The following RP1 variants were observed in gnomAD, a reference collection of about 807,000 sequenced individuals.
RP1 encodes RP1 axonemal microtubule associated.
RP1 carries 16 observed loss-of-function variants against 14.8 expected under a neutral mutation model. The observed-to-expected ratio is 1.08, with a 90% CI of 0.73 to 1.65. RP1 has a LOEUF of 1.65. Ranked by LOEUF, RP1 falls within the 40% of genes most tolerant of loss-of-function variation. The pLI, the probability that RP1 is intolerant of heterozygous loss-of-function variation, is 0.00. For synonymous variants in RP1, 876 were observed against 883.6 expected (o/e 0.99, Z 0.15); for missense variants, 2,631 against 2,535.0 (o/e 1.04, Z -0.81).
intron 24 of RP1, among the ~76,000 whole-genome samples, chr8:54,787,877 C>G (rs1810363605): frequency 6.6e-6 from 1 of 152,196 alleles, no homozygotes; most frequent in Admixed American, 6.5e-5. Flanking sequence ...TCCAACTCTG[C>G]TCTTTACTAT....
chr8:54,624,914 AG>A lies in RP1; in HGVS notation c.1033del (p.Glu345LysfsTer3). On this transcript the variant is annotated frameshift_variant, in exon 4 of 4. Transcript: ENST00000220676. LOFTEE classifies it low-confidence loss of function (END_TRUNC). The stretch of plus-strand genomic sequence containing the variant: ...AAGTTCGATTCAGAATAAAAGAGGA[AG>A]AAACCATAAAATGGACAACTACTGT... ...MKVRFRIKEE[E>X]TIKWTTTVSK... The A allele has an allele frequency of 6.2e-7, 1 of 1,614,162 alleles. No individual in the cohort carries two copies. Among genetic ancestry groups the A allele is most frequent in the Non-Finnish European group, 8.5e-7 (1 of 1,180,030 alleles).
In RP1 at chr8:54,630,220, C is replaced by T; in HGVS notation, c.6338C>T (p.Thr2113Ile). ...CTCTTAGATATTTGCCAAGTTGAGA[C>T]CTCCTTAAATATTAGCAACAGAAAT... The part of the protein sequence containing the change: ...ACLLDICQVE[T>I]SLNISNRNIL... Residue 2113 changes from threonine (T) to isoleucine (I), a missense_variant, in exon 4 of 4, where the codon ACC becomes ATC. Transcript: ENST00000220676. 6.2e-7 allele frequency: 1 copy of T among 1,613,582 alleles called. No individual in the cohort carries two copies. The highest frequency in any genetic ancestry group is 2.2e-5 in the East Asian group (1 of 44,810).
chr8:54,618,768 G>C (rs1413714965), intron 1 of RP1, among the ~76,000 whole-genome samples: 1 of 152,146 alleles, frequency 6.6e-6, no homozygotes, highest in African/African-American at 2.4e-5. Context: ...CAATTCTCCT[G>C]CCTCAGCCTC....
chr8:54,710,119 A>C (rs1360703104), intron 15 of RP1, among the ~76,000 whole-genome samples: 3 of 152,218 alleles, frequency 2.0e-5, no homozygotes, highest in African/African-American at 7.2e-5. Flanking sequence ...TGAGGGAGAC[A>C]CAAGGGGGCT....
exon 24 of RP1, chr8:54,783,560 G>T (rs1810241336): frequency 8.1e-7 from 1 of 1,231,214 alleles, no homozygotes; most frequent in Non-Finnish European, 1.0e-6. Context: ...GAGACTGGAA[G>T]GTGACCATTG....
chr8:54,847,547 TTGTGCGATCTTTCCAC>T (rs1333458124), intron 25 of RP1, among the ~76,000 whole-genome samples: 4 of 152,234 alleles, frequency 2.6e-5, no homozygotes, highest in African/African-American at 9.6e-5. Flanking sequence ...TCATTTTAGA[TTGTGCGATCTTTCCAC>T]TGGCTCTCTG....
intron 3 of RP1, among the ~76,000 whole-genome samples, chr8:54,639,235 A>C (rs1806412102): frequency 6.6e-6 from 1 of 152,178 alleles, no homozygotes; most frequent in African/African-American, 2.4e-5. Flanking sequence ...TTTGAGATTC[A>C]TTATTGTTGC....
chr8:54,607,425 C>T (rs1465092920), intron 1 of RP1, among the ~76,000 whole-genome samples: 1 of 152,084 alleles, frequency 6.6e-6, no homozygotes, highest in Non-Finnish European at 1.5e-5. Context: ...AGAAGAGTAC[C>T]CAGCTGTGTG....
chr8:54,809,430 G>A (rs1191088831), intron 24 of RP1, among the ~76,000 whole-genome samples: 1 of 152,186 alleles, frequency 6.6e-6, no homozygotes, highest in Non-Finnish European at 1.5e-5. Flanking sequence ...GGGTTCAGTG[G>A]CAGAGATGGA....
At chr8:54,837,566 G>C in exon 25 of RP1, 3 of 1,231,766 alleles carry the variant, frequency 2.4e-6, no homozygotes, top group Non-Finnish European at 3.0e-6. Flanking sequence ...CCACATATGA[G>C]CTATTTTGTT....
chr8:54,863,295 G>A (rs538126126), intron 27 of RP1, among the ~76,000 whole-genome samples: 2 of 152,070 alleles, frequency 1.3e-5, no homozygotes, highest in East Asian at 1.9e-4. Context: ...ACAGTAACAC[G>A]CTGAACAGGT....
chr8:54,734,055 C>G (rs62514649), intron 17 of RP1, among the ~76,000 whole-genome samples: 18,858 of 152,160 alleles, frequency 0.12, 1,509 homozygotes, highest in South Asian at 0.17. Context: ...CCATTGCCCA[C>G]GCCAGTAAGG....
chr8:54,838,930 T>C (rs1054973100), intron 25 of RP1, among the ~76,000 whole-genome samples: 1 of 152,212 alleles, frequency 6.6e-6, no homozygotes, highest in African/African-American at 2.4e-5. Flanking sequence ...TGTCACAGGA[T>C]TGTTTTCAGT....
At chr8:54,735,501 G>A (rs1044734129) in intron 18 of RP1, among the ~76,000 whole-genome samples, 2 of 152,144 alleles carry the variant, frequency 1.3e-5, no homozygotes, top group Non-Finnish European at 2.9e-5. Flanking sequence ...CCTAAGGCTG[G>A]CTAGAGAATA....
intron 18 of RP1, among the ~76,000 whole-genome samples, chr8:54,738,021 A>G (rs891465315): frequency 2.6e-5 from 4 of 152,202 alleles, no homozygotes; most frequent in Non-Finnish European, 4.4e-5. Context: ...TGTCCTGGAC[A>G]TATTTTATTA....
chr8:54,739,871 T>C (rs1162954690), intron 19 of RP1, among the ~76,000 whole-genome samples: 1 of 152,150 alleles, frequency 6.6e-6, no homozygotes, highest in Non-Finnish European at 1.5e-5. Context: ...CCTAGTGATG[T>C]CACAGCTGTT....
intron 3 of RP1, among the ~76,000 whole-genome samples, chr8:54,642,605 T>A (rs1047318378): frequency 6.6e-6 from 1 of 152,156 alleles, no homozygotes; most frequent in South Asian, 2.1e-4. Flanking sequence ...AAAATTTAAC[T>A]CATTCTGTAT....
intron 25 of RP1, among the ~76,000 whole-genome samples, chr8:54,841,678 T>C (rs1811794202): frequency 6.6e-6 from 1 of 152,192 alleles, no homozygotes; most frequent in South Asian, 2.1e-4. Flanking sequence ...CGGTGTTGGT[T>C]GGGAGCAGCC....
chr8:54,732,284 C>T (rs1410424232), intron 17 of RP1, among the ~76,000 whole-genome samples: 1 of 152,192 alleles, frequency 6.6e-6, no homozygotes, highest in Admixed American at 6.5e-5. Context: ...CTCAATTACT[C>T]ACTTCCTGCC....
Sources: allele counts gnomAD v4.1 joint callset (sites outside exome capture counted in the v4.1 genomes callset), GRCh38; gene constraint gnomAD v4.1.1; transcripts MANE v1.5; gene names NCBI Gene and HGNC (gene_info 2026-07-23, HGNC 2026-07-21).